Variants in TSTD2 observed in about 807,000 individuals in gnomAD.
TSTD2 encodes the protein thiosulfate sulfurtransferase/rhodanese-like domain-containing protein 2.
Under a neutral mutation model 47.9 loss-of-function variants are expected in TSTD2, and 37 were observed. The ratio of observed to expected loss-of-function variants is 0.77; its 90% CI spans 0.59 to 1.02. TSTD2 has a LOEUF of 1.02. Among genes scored for constraint, TSTD2 ranks in the 50% least tolerant of loss-of-function variants. TSTD2 has a pLI of 0.00. For synonymous variants in TSTD2, 201 were observed against 215.9 expected, an observed-to-expected ratio of 0.93 and a Z score of 0.61; for missense variants, 586 against 616.0, an observed-to-expected ratio of 0.95 and a Z score of 0.52.
chr9:97,611,743 T>C, intron 4 of TSTD2, 44 bp from the exon 5 acceptor site: 1 of 1,573,446 alleles, frequency 6.4e-7, no homozygotes, highest in Middle Eastern at 1.7e-4. Context: ...TGTTCTTAGC[T>C]TGGTTATCTT....
At position 97,621,015 on chromosome 9, in the gene TSTD2, G is replaced by T. The variant is rs1447365876; in HGVS notation, c.483-3138C>A. Among the ~76,000 whole-genome samples the T allele has an allele frequency of 3.9e-5, 6 of 152,198 alleles. No individual in the cohort carries two copies. In the East Asian group the frequency reaches 1.2e-3, roughly 29 times the overall value. ...GAAAATGTCTCCAGGGCATGTCAGA[G>T]GTCCTCATGACAGCCCCTCCTATCA... On this transcript the variant is annotated intron_variant, in intron 3 of 9. Transcript: ENST00000341170.
chr9:97,602,786 C>G lies in TSTD2; in HGVS notation c.1253-19G>C. 1 of 1,586,746 alleles carries G rather than the reference C, an allele frequency of 6.3e-7. No individual in the cohort carries two copies. The highest frequency in any genetic ancestry group is 8.6e-7 in the Non-Finnish European group (1 of 1,163,686). The stretch of plus-strand genomic sequence containing the variant: ...GAACACTCTGGGGAGGAAGGAAAAG[C>G]CATCATTATAAACACATACATTCAC... On this transcript the variant is annotated intron_variant, in intron 9 of 9. Coordinates refer to ENST00000341170, the MANE Select transcript of TSTD2 (RefSeq NM_139246.5).
intron 7 of TSTD2, 120 bp downstream of exon 7, chr9:97,606,023 C>A: frequency 1.3e-6 from 1 of 790,106 alleles, no homozygotes; most frequent in Non-Finnish European, 2.2e-6. Context: ...GCTGCCAGTA[C>A]TGGGAGGAGA....
intron 6 of TSTD2, 63 bp downstream of exon 6, chr9:97,610,283 C>T (rs1195128490): frequency 6.9e-7 from 1 of 1,448,702 alleles, no homozygotes; most frequent in Non-Finnish European, 9.5e-7. Flanking sequence ...GCCTAGCTTT[C>T]TTATTTGTCT....
chr9:97,624,701 T>C (rs1361844498), intron 3 of TSTD2, among the ~76,000 whole-genome samples: 1 of 151,654 alleles, frequency 6.6e-6, no homozygotes, highest in Non-Finnish European at 1.5e-5. Context: ...TGTTTAATTA[T>C]GCAATTAAAG....
chr9:97,632,488 C>T (rs1826843309), intron 1 of TSTD2, among the ~76,000 whole-genome samples: 1 of 150,522 alleles, frequency 6.6e-6, no homozygotes, highest in Admixed American at 6.6e-5. Context: ...CCTCCCACCT[C>T]GGCCCCCAAC....
chr9:97,611,075 TGAAAGAA>T (rs1826449899), intron 5 of TSTD2: 1 of 153,258 alleles, frequency 6.5e-6, no homozygotes, highest in Admixed American at 6.4e-5. Flanking sequence ...GGTGACTCAG[TGAAAGAA>T]TGGGGACGAG....
At chr9:97,627,287 G>A (rs1229899548) in intron 2 of TSTD2, 111 bp downstream of exon 2, 2 of 1,449,968 alleles carry the variant, frequency 1.4e-6, no homozygotes, top group African/African-American at 2.8e-5. Flanking sequence ...ACTGGTTAAT[G>A]TTCCTGACTA....
In TSTD2 at chr9:97,601,178, CT is replaced by C. The variant is rs1342990376; in HGVS notation, c.*1290del. 36 of 1,297,028 alleles carry C rather than the reference CT, an allele frequency of 2.8e-5. No individual in the cohort carries two copies. Among genetic ancestry groups the C allele is most frequent in the Non-Finnish European group, 3.7e-5 (36 of 986,104 alleles). 80.3% of individuals were successfully genotyped at this position (1,297,028 alleles called of 1,614,324 possible). ...AGGGACAACCATCCCCATTTGGCTT[CT>C]CCTTAAAACACAATTGCAGCTGCAT... is the stretch of plus-strand genomic sequence containing the variant. On this transcript the variant is annotated 3_prime_UTR_variant, in exon 10 of 10. Coordinates refer to ENST00000341170, the MANE Select transcript of TSTD2 (RefSeq NM_139246.5).
At chr9:97,626,510 G>A (rs931221966) in intron 2 of TSTD2, among the ~76,000 whole-genome samples, 5 of 152,176 alleles carry the variant, frequency 3.3e-5, no homozygotes, top group East Asian at 1.9e-4. Context: ...AGGAAGAAAC[G>A]TACCAAAATA....
intron 3 of TSTD2, among the ~76,000 whole-genome samples, chr9:97,619,741 A>C (rs973805691): frequency 2.0e-5 from 3 of 152,214 alleles, no homozygotes; most frequent in Non-Finnish European, 2.9e-5. Flanking sequence ...GACTGTTTAC[A>C]TTATTGATAA....
At chr9:97,604,548 T>C in intron 9 of TSTD2, 179 bp downstream of exon 9, 3 of 930,270 alleles carry the variant, frequency 3.2e-6, no homozygotes, top group Non-Finnish European at 4.6e-6. Flanking sequence ...TCCTGACTCC[T>C]GGGCTAGGGT....
At chr9:97,618,311 C>G (rs985314454) in intron 3 of TSTD2, among the ~76,000 whole-genome samples, 4 of 152,166 alleles carry the variant, frequency 2.6e-5, no homozygotes, top group Non-Finnish European at 5.9e-5. Context: ...CATTTAACAG[C>G]TGAATAAATT....
rs1265327535 is a variant in TSTD2 at position 97,600,455 on chromosome 9, T to C, written c.*2014A>G. 2 of 985,646 alleles carry C rather than the reference T, an allele frequency of 2.0e-6. No individual in the cohort carries two copies. Among genetic ancestry groups the C allele is most frequent in the South Asian group, 4.7e-5 (1 of 21,298 alleles). The allele number at this position is 985,646 out of a possible 1,614,324, so 61.1% of individuals were successfully genotyped here. A position where few individuals can be genotyped will look rare whatever the true frequency, so the allele number is the denominator to read the frequency against. ...CAATTTAATACTGGAGTTAGAACTT[T>C]TTCCTTATTGAATGCCAACCTTATG... On this transcript the variant is annotated 3_prime_UTR_variant, in exon 10 of 10. Coordinates refer to ENST00000341170, the MANE Select transcript of TSTD2 (RefSeq NM_139246.5).
chr9:97,627,387 A>G lies in TSTD2; in HGVS notation c.165+11T>C. On this transcript the variant is annotated intron_variant, in intron 2 of 9. Coordinates refer to ENST00000341170, the MANE Select transcript of TSTD2 (RefSeq NM_139246.5). The stretch of plus-strand genomic sequence containing the variant: ...ACATACATGATCATGAAACATTCAT[A>G]AGAATTCTACCTTTTTCTTTGCAAA... The G allele has an allele frequency of 6.3e-7, 1 of 1,584,930 alleles. No individual in the cohort carries two copies. The highest frequency in any genetic ancestry group is 1.8e-5 in the Admixed American group (1 of 56,730).
At chr9:97,628,045 A>C (rs978146239) in intron 1 of TSTD2, among the ~76,000 whole-genome samples, 1 of 152,254 alleles carries the variant, frequency 6.6e-6, no homozygotes, top group African/African-American at 2.4e-5. Context: ...CCATGCAGTC[A>C]TTAGGGTAAA....
In TSTD2 at chr9:97,627,655, T is replaced by C. The variant is rs144069905; in HGVS notation, c.-50-43A>G. ...AAGAAGCAGCCATGCTATTCTTTGATTTCTTGAAGAAAATATGAAGCTAAT... is the reference window on the plus strand; with the variant it reads ...AAGAAGCAGCCATGCTATTCTTTGACTTCTTGAAGAAAATATGAAGCTAAT... On this transcript the variant is annotated intron_variant, in intron 1 of 9. Transcript: ENST00000341170. The C allele has an allele frequency of 7.7e-6, 10 of 1,296,322 alleles. No homozygotes were observed. The African/African-American group carries it at 1.5e-4, about 19-fold the overall frequency. The allele number at this position is 1,296,322 out of a possible 1,614,324, so 80.3% of individuals were successfully genotyped here. A position where few individuals can be genotyped will look rare whatever the true frequency, so the allele number is the denominator to read the frequency against.
intron 3 of TSTD2, among the ~76,000 whole-genome samples, chr9:97,619,616 T>C (rs1826599139): frequency 6.6e-6 from 1 of 152,098 alleles, no homozygotes; most frequent in Admixed American, 6.6e-5. Flanking sequence ...GCTGGGATTA[T>C]AGGAATAAGT....
chr9:97,621,524 C>T (rs929916778), intron 3 of TSTD2, among the ~76,000 whole-genome samples: 5 of 152,090 alleles, frequency 3.3e-5, no homozygotes, highest in African/African-American at 1.2e-4. Flanking sequence ...GAAGAAATAT[C>T]GCTGAATTCT....
Sources: gnomAD v4.1 joint callset for allele counts (sites outside exome capture counted in the v4.1 genomes callset) on GRCh38, gnomAD v4.1.1 for gene constraint, MANE v1.5 for transcripts, NCBI Gene and HGNC (gene_info 2026-07-23, HGNC 2026-07-21) for gene names.